CDKAL1: variants seen among roughly 807,000 people sequenced by gnomAD.
CDKAL1 encodes threonylcarbamoyladenosine tRNA methylthiotransferase.
A neutral mutation model predicts 68.2 loss-of-function variants in CDKAL1; 32 were observed. The ratio of observed to expected loss-of-function variants is 0.47; its 90% CI spans 0.35 to 0.63. The LOEUF (loss-of-function observed/expected upper bound fraction) is 0.63. Among genes scored for constraint, CDKAL1 ranks in the 30% least tolerant of loss-of-function variants. The pLI is 0.00. For missense variants in CDKAL1, 606 were observed against 696.7 expected, an observed-to-expected ratio of 0.87 and a Z score of 1.47; for synonymous variants, 234 against 244.3, an observed-to-expected ratio of 0.96 and a Z score of 0.39.
At chr6:20,786,854 G>A (rs1036651115) in intron 8 of CDKAL1, among the ~76,000 whole-genome samples, 1 of 152,056 alleles carries the variant, frequency 6.6e-6, no homozygotes, top group African/African-American at 2.4e-5. Context: ...AGGAGGTAGT[G>A]TAGGGGACAA....
chr6:20,870,846 T>G lies in CDKAL1; in HGVS notation c.742+24668T>G, dbSNP rs116554457. 9.1e-3 allele frequency among the ~76,000 whole-genome samples: 1,391 copies of G among 152,324 alleles called. 22 individuals carry two copies. The highest frequency in any genetic ancestry group is 0.032 in the African/African-American group (1,327 of 41,562). On this transcript the variant is annotated intron_variant, in intron 9 of 15. Coordinates refer to ENST00000274695, the MANE Select transcript of CDKAL1 (RefSeq NM_017774.3). ...AATTGTGAGAAATCATCATAATGAT[T>G]GAGCATGAGCACTCAGTAGATGGTC...
chr6:21,089,336 G>T (rs541285297), intron 12 of CDKAL1, among the ~76,000 whole-genome samples: 27 of 152,186 alleles, frequency 1.8e-4, no homozygotes, highest in African/African-American at 5.3e-4. Context: ...AATTAGCCAG[G>T]TGTGGTGGTG....
chr6:20,937,681 T>G (rs1385495577), intron 9 of CDKAL1, among the ~76,000 whole-genome samples: 1 of 152,218 alleles, frequency 6.6e-6, no homozygotes, highest in African/African-American at 2.4e-5. Flanking sequence ...CACTTTAAGT[T>G]TGTCTGGTAT....
chr6:21,042,766 C>T (rs950771440), intron 11 of CDKAL1, among the ~76,000 whole-genome samples: 7 of 152,266 alleles, frequency 4.6e-5, no homozygotes, highest in African/African-American at 1.2e-4. Flanking sequence ...CGTTTTCCTC[C>T]CCACAAAAGC....
At chr6:20,674,687 CCTGT>C (rs1185697718) in intron 5 of CDKAL1, among the ~76,000 whole-genome samples, 3 of 152,156 alleles carry the variant, frequency 2.0e-5, no homozygotes, top group African/African-American at 7.2e-5. Context: ...ACTTATTCCT[CCTGT>C]CTAACTCTGC....
intron 4 of CDKAL1, 144 bp downstream of exon 4, chr6:20,548,849 C>A (rs1250331839): frequency 2.0e-5 from 10 of 510,440 alleles, no homozygotes; most frequent in Non-Finnish European, 3.5e-5. Context: ...TTGTAGATAA[C>A]CATGGATGTC....
rs2150395101 is a variant in CDKAL1 at position 20,794,241 on chromosome 6, G to C, written c.638+12976G>C. 2.6e-5 allele frequency among the ~76,000 whole-genome samples: 4 copies of C among 151,638 alleles called. No individual in the cohort carries two copies. The South Asian group carries it at 8.4e-4, about 32-fold the overall frequency. ...TGTTTTATTAAAAGCCTCTTTTTTT[G>C]GTATAGTAGGTGAGAAAGAAGTAGT... On this transcript the variant is annotated intron_variant, in intron 8 of 15. Coordinates refer to ENST00000274695, the MANE Select transcript of CDKAL1 (RefSeq NM_017774.3).
chr6:20,855,208 T>C (rs1279013006), intron 9 of CDKAL1, among the ~76,000 whole-genome samples: 1 of 151,936 alleles, frequency 6.6e-6, no homozygotes, highest in Non-Finnish European at 1.5e-5. Flanking sequence ...TTTGGGAGGC[T>C]GAGGTGGGTG....
intron 13 of CDKAL1, among the ~76,000 whole-genome samples, chr6:21,182,225 A>G (rs964887064): frequency 1.1e-4 from 16 of 152,370 alleles, no homozygotes; most frequent in African/African-American, 3.1e-4. Context: ...AATAAATTAT[A>G]GAATTAAATT....
chr6:20,805,295 A>G lies in CDKAL1; in HGVS notation c.638+24030A>G, dbSNP rs150358172. ...AGTCTGTGAGTTCTTCTAATGAGTC[A>G]CCGAATATGTGTGTTAGTATCTAGA... On this transcript the variant is annotated intron_variant, in intron 8 of 15. Coordinates refer to ENST00000274695, the MANE Select transcript of CDKAL1 (RefSeq NM_017774.3). Among the ~76,000 whole-genome samples the G allele has an allele frequency of 4.8e-3, 736 of 152,280 alleles. 6 individuals are homozygous for G. The highest frequency in any genetic ancestry group is 0.026 in the South Asian group (124 of 4,816).
intron 5 of CDKAL1, among the ~76,000 whole-genome samples, chr6:20,694,304 A>G (rs1771018426): frequency 6.6e-6 from 1 of 152,034 alleles, no homozygotes; most frequent in Admixed American, 6.6e-5. Flanking sequence ...CGGCCTCCCA[A>G]AGTGCTGAGA....
At chr6:21,149,817 A>G (rs1467193006) in intron 13 of CDKAL1, among the ~76,000 whole-genome samples, 1 of 152,136 alleles carries the variant, frequency 6.6e-6, no homozygotes, top group Non-Finnish European at 1.5e-5. Flanking sequence ...GGAATTCCAA[A>G]ATGTGCAGCA....
At chr6:21,021,706 A>T (rs1768676044) in intron 11 of CDKAL1, among the ~76,000 whole-genome samples, 1 of 152,186 alleles carries the variant, frequency 6.6e-6, no homozygotes, top group African/African-American at 2.4e-5. Context: ...GAAATTAAAG[A>T]TACATTTTTT....
At chr6:20,897,543 A>G (rs1438935367) in intron 9 of CDKAL1, among the ~76,000 whole-genome samples, 1 of 152,188 alleles carries the variant, frequency 6.6e-6, no homozygotes, top group Non-Finnish European at 1.5e-5. Flanking sequence ...AAAAACAAGC[A>G]TCAGGGAAGT....
chr6:20,755,885 A>G (rs1274353692), intron 6 of CDKAL1, among the ~76,000 whole-genome samples: 1 of 152,180 alleles, frequency 6.6e-6, no homozygotes, highest in East Asian at 1.9e-4. Context: ...GTATTTGAAA[A>G]CATTCATTCT....
At chr6:20,812,668 A>G (rs187950671) in intron 8 of CDKAL1, among the ~76,000 whole-genome samples, 4 of 152,254 alleles carry the variant, frequency 2.6e-5, no homozygotes, top group African/African-American at 7.2e-5. Flanking sequence ...CTTTAATACA[A>G]CCTAACAGCC....
At chr6:20,740,149 A>G (rs1773384187) in intron 6 of CDKAL1, among the ~76,000 whole-genome samples, 1 of 152,112 alleles carries the variant, frequency 6.6e-6, no homozygotes, top group African/African-American at 2.4e-5. Context: ...AATAAAGCCC[A>G]CCTGTCTATT....
At chr6:20,844,101 C>T (rs546951363) in intron 8 of CDKAL1, among the ~76,000 whole-genome samples, 1 of 152,202 alleles carries the variant, frequency 6.6e-6, no homozygotes, top group South Asian at 2.1e-4. Context: ...CACACAGAAC[C>T]AGCAGGAGGA....
At chr6:20,983,851 G>T (rs1343241074) in intron 10 of CDKAL1, among the ~76,000 whole-genome samples, 1 of 152,062 alleles carries the variant, frequency 6.6e-6, no homozygotes, top group African/African-American at 2.4e-5. Flanking sequence ...ATGATTTATT[G>T]TTTGTTAACA....
Sources: gnomAD v4.1 joint callset for allele counts (sites outside exome capture counted in the v4.1 genomes callset) on GRCh38, gnomAD v4.1.1 for gene constraint, MANE v1.5 for transcripts, NCBI Gene and HGNC (gene_info 2026-07-23, HGNC 2026-07-21) for gene names.